The following PLXDC2 variants were observed in gnomAD, a reference collection of about 807,000 sequenced individuals.
PLXDC2 encodes plexin domain containing 2, also known as plexin domain-containing protein 2.
A neutral mutation model predicts 68.9 loss-of-function variants in PLXDC2; 40 were observed. The ratio of observed to expected loss-of-function variants is 0.58; its 90% CI spans 0.45 to 0.76. PLXDC2 has a LOEUF of 0.76. Among genes scored for constraint, PLXDC2 ranks in the 30% least tolerant of loss-of-function variants. The pLI, the probability that PLXDC2 is intolerant of heterozygous loss-of-function variation, is 0.00. For missense variants in PLXDC2, 644 were observed against 661.9 expected (o/e 0.97, Z 0.30); for synonymous variants, 243 against 234.2 (o/e 1.04, Z -0.34).
intron 2 of PLXDC2, among the ~76,000 whole-genome samples, chr10:20,038,028 A>C (rs1054035995): frequency 6.6e-6 from 1 of 152,020 alleles, no homozygotes; most frequent in Admixed American, 6.6e-5. Flanking sequence ...GCGGATGACG[A>C]GGTCAGGAGA....
intron 3 of PLXDC2, among the ~76,000 whole-genome samples, chr10:20,059,112 G>A (rs1836054011): frequency 6.6e-6 from 1 of 152,134 alleles, no homozygotes; most frequent in South Asian, 2.1e-4. Context: ...TGATTCATTT[G>A]CACCTCGAGG....
Position 20,147,913 on chromosome 10 carries a change from C to A in PLXDC2, c.783+11C>A, listed in dbSNP as rs746727202. 7 of 1,545,336 alleles carry A rather than the reference C, an allele frequency of 4.5e-6. No homozygotes were observed. Among genetic ancestry groups the A allele is most frequent in the Admixed American group, 3.3e-5 (2 of 59,800 alleles). On this transcript the variant is annotated intron_variant, in intron 6 of 13. Coordinates refer to ENST00000377252, the MANE Select transcript of PLXDC2 (RefSeq NM_032812.9). ...TTTGGATACAAAGAAGTAAGTGATG[C>A]GTTGATAATTTCTTTCCCTTCCCCT...
intron 2 of PLXDC2, among the ~76,000 whole-genome samples, chr10:20,011,178 G>A (rs33943776): frequency 0.16 from 24,192 of 151,986 alleles, 2,387 homozygotes; most frequent in Non-Finnish European, 0.22. Context: ...TATGTTGAAC[G>A]AAGGGCTCAG....
intron 1 of PLXDC2, among the ~76,000 whole-genome samples, chr10:19,831,010 G>T (rs11011639): frequency 0.055 from 8,275 of 149,598 alleles, 276 homozygotes; most frequent in Middle Eastern, 0.083. Context: ...TTTTTTGTTT[G>T]TTTTTTTGCT....
At chr10:20,211,329 GA>G (rs1035323965) in intron 9 of PLXDC2, among the ~76,000 whole-genome samples, 2 of 151,972 alleles carry the variant, frequency 1.3e-5, no homozygotes, top group East Asian at 1.9e-4. Flanking sequence ...TTAATGATGA[GA>G]AAAAAAATAC....
intron 2 of PLXDC2, among the ~76,000 whole-genome samples, chr10:20,030,935 CA>C (rs112750245): frequency 0.018 from 2,678 of 152,150 alleles, 77 homozygotes; most frequent in African/African-American, 0.061. Context: ...TGAATAAACC[CA>C]AATTTAGCCC....
chr10:20,090,978 C>T (rs953225798), intron 4 of PLXDC2, among the ~76,000 whole-genome samples: 3 of 152,084 alleles, frequency 2.0e-5, no homozygotes, highest in South Asian at 2.1e-4. Context: ...AGTATTCTGA[C>T]GTAATAGGTA....
At chr10:20,173,212 A>G (rs1834473450) in intron 7 of PLXDC2, among the ~76,000 whole-genome samples, 1 of 152,236 alleles carries the variant, frequency 6.6e-6, no homozygotes, top group African/African-American at 2.4e-5. Context: ...TGAACCAGAA[A>G]AGAAATAAGA....
At chr10:20,244,141 TA>T (rs36100313) in intron 12 of PLXDC2, among the ~76,000 whole-genome samples, 1 of 152,146 alleles carries the variant, frequency 6.6e-6, no homozygotes, top group South Asian at 2.1e-4. Flanking sequence ...TTGTACATCT[TA>T]AAAAATTATG....
rs1427750646 is a variant in PLXDC2 at position 20,284,800 on chromosome 10, A to G, written c.*4981A>G. On this transcript the variant is annotated 3_prime_UTR_variant, in exon 14 of 14. Transcript: ENST00000377252. ...CAGCTTAGACAGCGCAGTCCACTCA[A>G]CGGTAACTTTATTTGCTATATTGAC... 1 of 152,120 alleles carries G rather than the reference A, an allele frequency of 6.6e-6. No individual in the cohort carries two copies. The highest frequency in any genetic ancestry group is 6.5e-5 in the Admixed American group (1 of 15,268). 9.4% of individuals were successfully genotyped at this position (152,120 alleles called of 1,614,324 possible). A position where few individuals can be genotyped will look rare whatever the true frequency, so the allele number is the denominator to read the frequency against.
chr10:20,222,883 C>T (rs968440394), intron 12 of PLXDC2, among the ~76,000 whole-genome samples: 3 of 152,056 alleles, frequency 2.0e-5, no homozygotes, highest in African/African-American at 7.2e-5. Context: ...CATTTTATCT[C>T]CAACTGAAAT....
At chr10:20,108,634 G>A (rs746888649) in intron 4 of PLXDC2, among the ~76,000 whole-genome samples, 11 of 152,026 alleles carry the variant, frequency 7.2e-5, no homozygotes, top group Non-Finnish European at 1.5e-4. Flanking sequence ...CTTGAAAAGG[G>A]GTGGATATAG....
At chr10:19,842,106 A>G (rs1049695734) in intron 1 of PLXDC2, among the ~76,000 whole-genome samples, 6 of 152,072 alleles carry the variant, frequency 3.9e-5, no homozygotes, top group Non-Finnish European at 8.8e-5. Context: ...CAAAATCCTC[A>G]TCTCTACAAA....
rs551629495 is a variant in PLXDC2 at position 20,033,191 on chromosome 10, T to C, written c.325-13678T>C. On this transcript the variant is annotated intron_variant, in intron 2 of 13. Transcript: ENST00000377252. ...AGAACTTAAAGTATAATAAAAAATA[T>C]ATAAAAAAATAAAATAAAAAAATAA... 2.0e-5 allele frequency among the ~76,000 whole-genome samples: 3 copies of C among 150,804 alleles called. No individual in the cohort carries two copies. The South Asian group carries it at 6.2e-4, about 31-fold the overall frequency.
chr10:20,185,004 G>T (rs1335141069), intron 9 of PLXDC2, among the ~76,000 whole-genome samples: 1 of 151,578 alleles, frequency 6.6e-6, no homozygotes, highest in South Asian at 2.1e-4. Flanking sequence ...GTCAGGGGAT[G>T]GGAGGCAAGG....
intron 2 of PLXDC2, among the ~76,000 whole-genome samples, chr10:20,016,744 TTTC>T (rs1050972701): frequency 7.9e-5 from 12 of 152,322 alleles, no homozygotes; most frequent in African/African-American, 2.2e-4. Flanking sequence ...CTGCACATAT[TTTC>T]TTCTTCCTTC....
intron 4 of PLXDC2, among the ~76,000 whole-genome samples, chr10:20,126,777 A>G (rs940320784): frequency 8.8e-5 from 13 of 147,478 alleles, no homozygotes; most frequent in African/African-American, 2.8e-4. Flanking sequence ...CACACATGTT[A>G]TATATGTATA....
intron 10 of PLXDC2, among the ~76,000 whole-genome samples, chr10:20,211,936 A>C (rs1180337733): frequency 6.6e-6 from 1 of 152,134 alleles, no homozygotes; most frequent in Non-Finnish European, 1.5e-5. Flanking sequence ...ATTACATTGT[A>C]GCAACTTGCT....
At chr10:20,125,011 A>G (rs547782704) in intron 4 of PLXDC2, among the ~76,000 whole-genome samples, 1 of 152,302 alleles carries the variant, frequency 6.6e-6, no homozygotes, top group East Asian at 1.9e-4. Context: ...AACAACTTGT[A>G]GTTTCTTAAT....
Sources: allele counts gnomAD v4.1 joint callset (sites outside exome capture counted in the v4.1 genomes callset), GRCh38; gene constraint gnomAD v4.1.1; transcripts MANE v1.5; gene names NCBI Gene and HGNC (gene_info 2026-07-23, HGNC 2026-07-21).